Variants in GLI3 observed in about 807,000 individuals in gnomAD.
The protein encoded by GLI3 is GLI family zinc finger 3, also known as transcription activator GLI3.
In GLI3, 20 loss-of-function variants were observed where a neutral mutation model predicts 100.8. The ratio of observed to expected loss-of-function variants is 0.20; its 90% CI spans 0.14 to 0.29. The LOEUF (loss-of-function observed/expected upper bound fraction) is 0.29, where lower values mean the gene tolerates loss of function less well. Among genes scored for constraint, GLI3 ranks in the 10% least tolerant of loss-of-function variants. The pLI, the probability that GLI3 is intolerant of heterozygous loss-of-function variation, is 1.00. For missense variants in GLI3, 2,040 were observed against 2,128.5 expected (o/e 0.96, Z 0.82); for synonymous variants, 938 against 860.5 (o/e 1.09, Z -1.58).
intron 3 of GLI3, among the ~76,000 whole-genome samples, chr7:42,082,444 A>G (rs1459015958): frequency 6.6e-6 from 1 of 152,112 alleles, no homozygotes; most frequent in Non-Finnish European, 1.5e-5. Flanking sequence ...ACCCCAGGTA[A>G]CCTGACAAGG....
intron 2 of GLI3, among the ~76,000 whole-genome samples, chr7:42,217,185 C>T (rs1396158497): frequency 2.0e-5 from 3 of 152,000 alleles, no homozygotes; most frequent in Non-Finnish European, 4.4e-5. Context: ...GACACACGAG[C>T]GAGTAATTAC....
chr7:42,167,608 AAG>A (rs926996170), intron 2 of GLI3, among the ~76,000 whole-genome samples: 8 of 152,238 alleles, frequency 5.3e-5, no homozygotes, highest in Admixed American at 3.9e-4. Context: ...CATACAGAGA[AAG>A]AGAGAGAGAA....
intron 5 of GLI3, among the ~76,000 whole-genome samples, chr7:42,045,731 T>C (rs538759632): frequency 6.6e-6 from 1 of 152,150 alleles, no homozygotes; most frequent in Non-Finnish European, 1.5e-5. Flanking sequence ...AGGAAAGGAA[T>C]AGAAAAAAGT....
intron 10 of GLI3, among the ~76,000 whole-genome samples, chr7:42,009,669 G>A (rs1171704264): frequency 2.6e-5 from 4 of 152,104 alleles, no homozygotes; most frequent in African/African-American, 9.7e-5. Flanking sequence ...TTCCCAATGG[G>A]AAGCCCCAGG....
chr7:42,105,531 C>T (rs1041103557), intron 3 of GLI3, among the ~76,000 whole-genome samples: 9 of 152,054 alleles, frequency 5.9e-5, no homozygotes, highest in South Asian at 4.2e-4. Context: ...GATAGGATGA[C>T]GCCGTGGGGA....
At chr7:42,069,786 G>A (rs1413638385) in intron 4 of GLI3, among the ~76,000 whole-genome samples, 1 of 152,162 alleles carries the variant, frequency 6.6e-6, no homozygotes, top group African/African-American at 2.4e-5. Flanking sequence ...TGCTAAAGCT[G>A]CCACAGATAA....
intron 10 of GLI3, among the ~76,000 whole-genome samples, chr7:41,996,368 C>A (rs181479066): frequency 6.6e-6 from 1 of 152,278 alleles, no homozygotes; most frequent in East Asian, 1.9e-4. Context: ...GTGGTCTTCA[C>A]TGAGCATCAG....
At chr7:42,236,597 G>A (rs1220818476) in intron 1 of GLI3, among the ~76,000 whole-genome samples, 4 of 152,184 alleles carry the variant, frequency 2.6e-5, no homozygotes, top group African/African-American at 9.6e-5. Flanking sequence ...GAGCGCCACC[G>A]CGCAAAGGAA....
Position 41,966,741 on chromosome 7 carries a change from G to A in GLI3, c.2432-100C>T. 8.1e-7 allele frequency: 1 copy of A among 1,229,236 alleles called. No individual in the cohort carries two copies. The highest frequency in any genetic ancestry group is 1.2e-6 in the Non-Finnish European group (1 of 845,200). 76.1% of individuals were successfully genotyped at this position (1,229,236 alleles called of 1,614,324 possible). Reference sequence around the variant, plus strand: ...CCCTTTTCTGTAAAGGGCCAGCTAGGAACTATTTCTGGTGTCCCAGGCCAC... The same window carrying A: ...CCCTTTTCTGTAAAGGGCCAGCTAGAAACTATTTCTGGTGTCCCAGGCCAC... On this transcript the variant is annotated intron_variant, in intron 14 of 14. Transcript: ENST00000395925. The surrounding 1 kb of genome is among the most constrained non-coding windows in gnomAD (Gnocchi z 5.8).
intron 2 of GLI3, among the ~76,000 whole-genome samples, chr7:42,220,533 G>C (rs1031605316): frequency 1.3e-5 from 2 of 152,204 alleles, no homozygotes; most frequent in Non-Finnish European, 2.9e-5. Context: ...TCAAGACTGA[G>C]TGCAGAGGCA....
intron 10 of GLI3, among the ~76,000 whole-genome samples, chr7:41,983,471 G>T (rs987892736): frequency 6.6e-6 from 1 of 152,188 alleles, no homozygotes; most frequent in African/African-American, 2.4e-5. Context: ...TTCGATGGAC[G>T]AATTGACCCC....
chr7:42,001,747 A>G (rs1052240337), intron 10 of GLI3, among the ~76,000 whole-genome samples: 4 of 152,072 alleles, frequency 2.6e-5, no homozygotes, highest in Non-Finnish European at 4.4e-5. Flanking sequence ...ATAAACATAT[A>G]AAATAATAAG....
intron 3 of GLI3, among the ~76,000 whole-genome samples, chr7:42,103,349 G>C (rs111467681): frequency 0.013 from 2,027 of 152,192 alleles, 39 homozygotes; most frequent in African/African-American, 0.045. Flanking sequence ...GAGGGCAGGA[G>C]TATCAAAAAC....
intron 7 of GLI3, among the ~76,000 whole-genome samples, chr7:42,038,766 A>T (rs1784070742): frequency 6.6e-6 from 1 of 152,246 alleles, no homozygotes; most frequent in African/African-American, 2.4e-5. Flanking sequence ...CTGATAATTG[A>T]ACAAGAATTA....
chr7:42,262,217 C>A (rs1294379507), intron 1 of GLI3, among the ~76,000 whole-genome samples: 1 of 135,816 alleles, frequency 7.4e-6, no homozygotes, highest in East Asian at 2.1e-4. Flanking sequence ...TCTTTCCTTC[C>A]TTCCTTCTTT....
rs375559968 is a variant in GLI3, at chr7:42,227,115, G to A, written c.-42-3820C>T. ...CTTCACTTCAAAGACTTTTCCCTGA[G>A]GAAAACATGCCACTGTTTTTCAGAT... On this transcript the variant is annotated intron_variant, in intron 1 of 14. Coordinates refer to ENST00000395925, the MANE Select transcript of GLI3 (RefSeq NM_000168.6). Among the ~76,000 whole-genome samples, 65 of 152,262 alleles carry A rather than the reference G, an allele frequency of 4.3e-4. 2 individuals are homozygous for A. In the South Asian group the frequency reaches 0.013, roughly 32 times the overall value.
rs201325272 is a variant in GLI3, at chr7:42,030,696, GTT to G, written c.1029-4286_1029-4285del. ...TAGAAATTATTACTATTGTTGATTT[GTT>G]TTTTTTTTTTTTGTTTTTTTGTTTC... On this transcript the variant is annotated intron_variant, in intron 7 of 14. Coordinates refer to ENST00000395925, the MANE Select transcript of GLI3 (RefSeq NM_000168.6). Among the ~76,000 whole-genome samples, 1,089 of 133,436 alleles carry G rather than the reference GTT, an allele frequency of 8.2e-3. 17 individuals are homozygous for G. The highest frequency in any genetic ancestry group is 0.027 in the African/African-American group (981 of 36,718). 87.5% of individuals were successfully genotyped at this position (133,436 alleles called of 152,430 possible). A position where few individuals can be genotyped will look rare whatever the true frequency, so the allele number is the denominator to read the frequency against.
intron 1 of GLI3, among the ~76,000 whole-genome samples, chr7:42,232,865 T>C (rs745551231): frequency 3.3e-5 from 5 of 152,106 alleles, no homozygotes; most frequent in Admixed American, 1.3e-4. Flanking sequence ...TTTTGTCGGG[T>C]TGAAATATAT....
At chr7:42,061,596 G>C (rs970568411) in intron 4 of GLI3, among the ~76,000 whole-genome samples, 1 of 152,162 alleles carries the variant, frequency 6.6e-6, no homozygotes, top group Non-Finnish European at 1.5e-5. Context: ...TTTTGAAGTG[G>C]CAGGCTCTTT....
Sources: gnomAD v4.1 joint callset for allele counts (sites outside exome capture counted in the v4.1 genomes callset) on GRCh38, gnomAD v4.1.1 for gene constraint, Gnocchi (gnomAD v3.1) non-coding constraint, MANE v1.5 for transcripts, NCBI Gene and HGNC (gene_info 2026-07-23, HGNC 2026-07-21) for gene names.